Variants in THADA observed in about 807,000 individuals in gnomAD.
THADA encodes tRNA (32-2'-O)-methyltransferase regulator THADA.
In THADA, 213 loss-of-function variants were observed where a neutral mutation model predicts 219.8. The observed-to-expected ratio is 0.97, with a 90% CI of 0.87 to 1.09. The LOEUF (loss-of-function observed/expected upper bound fraction) is 1.09. Among genes scored for constraint, THADA ranks in the 50% least tolerant of loss-of-function variants. THADA has a pLI of 0.00. For synonymous variants in THADA, 1,018 were observed against 828.9 expected (o/e 1.23, Z -3.92); for missense variants, 2,956 against 2,311.3 (o/e 1.28, Z -5.72).
intron 29 of THADA, among the ~76,000 whole-genome samples, chr2:43,377,995 T>C (rs1366431526): frequency 3.9e-5 from 6 of 152,188 alleles, no homozygotes; most frequent in African/African-American, 1.4e-4. Flanking sequence ...TTTGGGTTTG[T>C]ATAGTATTTT....
At chr2:43,250,196 T>G (rs962800157) in intron 36 of THADA, among the ~76,000 whole-genome samples, 1 of 152,142 alleles carries the variant, frequency 6.6e-6, no homozygotes, top group Non-Finnish European at 1.5e-5. Flanking sequence ...ATGTGGTAGA[T>G]CCATACAATG....
At chr2:43,316,656 G>A (rs778231713) in intron 31 of THADA, among the ~76,000 whole-genome samples, 63 of 152,196 alleles carry the variant, frequency 4.1e-4, no homozygotes, top group Non-Finnish European at 7.2e-4. Flanking sequence ...GGCTGGGCAC[G>A]GTGGCTCACA....
At chr2:43,344,951 G>C (rs1558615001) in intron 29 of THADA, among the ~76,000 whole-genome samples, 1 of 152,202 alleles carries the variant, frequency 6.6e-6, no homozygotes, top group Non-Finnish European at 1.5e-5. Flanking sequence ...AAAGAATAAG[G>C]ACAAGGGCAT....
intron 29 of THADA, among the ~76,000 whole-genome samples, chr2:43,363,885 A>G (rs1001138868): frequency 1.3e-5 from 2 of 152,098 alleles, no homozygotes; most frequent in Non-Finnish European, 2.9e-5. Flanking sequence ...TGATGGCACC[A>G]TTGCACTCAA....
intron 26 of THADA, among the ~76,000 whole-genome samples, chr2:43,449,403 T>C (rs1682020579): frequency 6.6e-6 from 1 of 152,082 alleles, no homozygotes; most frequent in Non-Finnish European, 1.5e-5. Context: ...AAAGAGATTA[T>C]CTAAAGAAAT....
chr2:43,292,514 A>G (rs1455749811), intron 32 of THADA, among the ~76,000 whole-genome samples: 1 of 152,140 alleles, frequency 6.6e-6, no homozygotes, highest in Non-Finnish European at 1.5e-5. Flanking sequence ...TAGCCATGTC[A>G]GCAAAGACTA....
At chr2:43,584,264 T>C (rs1209984219) in intron 7 of THADA, among the ~76,000 whole-genome samples, 1 of 152,158 alleles carries the variant, frequency 6.6e-6, no homozygotes, top group South Asian at 2.1e-4. Flanking sequence ...CAAGCTGAGA[T>C]GTCCACAAGT....
At chr2:43,582,137 T>C (rs553581072) in intron 7 of THADA, among the ~76,000 whole-genome samples, 1 of 152,212 alleles carries the variant, frequency 6.6e-6, no homozygotes, top group Admixed American at 6.5e-5. Context: ...AATCTACATG[T>C]CCCTCTTTCT....
At chr2:43,255,145 A>G (rs1421014811) in intron 36 of THADA, among the ~76,000 whole-genome samples, 1 of 152,138 alleles carries the variant, frequency 6.6e-6, no homozygotes, top group Non-Finnish European at 1.5e-5. Flanking sequence ...CTTTTCTCCA[A>G]CTTACTCATA....
chr2:43,573,858 A>T (rs1036263400), intron 11 of THADA, among the ~76,000 whole-genome samples: 1 of 152,144 alleles, frequency 6.6e-6, no homozygotes, highest in East Asian at 1.9e-4. Context: ...GTTTACCCCT[A>T]TTCTAAATAA....
chr2:43,293,182 G>A lies in THADA; in HGVS notation c.4470C>T (p.Val1490=). ...GCTCTGATCCTGAGATAATCCCTCT[G>A]ACTTCCTCCCAGAAGCCAAGACTCT... ...VLESLGFWEE[V]RGIISGSELI... is the part of the protein sequence containing the mutation. Residue 1490 remains valine, a synonymous_variant, in exon 32 of 38, where the codon GTC becomes GTT. Coordinates refer to ENST00000405975, the MANE Select transcript of THADA (RefSeq NM_022065.5). 2 of 1,612,886 alleles carry A rather than the reference G, an allele frequency of 1.2e-6. No homozygotes were observed. The highest frequency in any genetic ancestry group is 8.5e-7 in the Non-Finnish European group (1 of 1,179,162).
intron 26 of THADA, among the ~76,000 whole-genome samples, chr2:43,440,811 T>C (rs1197264470): frequency 2.0e-5 from 3 of 152,322 alleles, no homozygotes; most frequent in East Asian, 3.9e-4. Flanking sequence ...AACTGCCTAA[T>C]AGATAACTGG....
chr2:43,340,263 G>T (rs185282501), intron 30 of THADA, among the ~76,000 whole-genome samples: 1 of 152,328 alleles, frequency 6.6e-6, no homozygotes, highest in African/African-American at 2.4e-5. Context: ...AAGAGCAGAA[G>T]CCCAGTCCTT....
At chr2:43,551,729 AG>A (rs1264737483) in intron 19 of THADA, 59 bp downstream of exon 19, 97 of 1,400,002 alleles carry the variant, frequency 6.9e-5, no homozygotes, top group South Asian at 3.0e-4. Context: ...AAAAAAAAAA[AG>A]AGGTAAAGAC....
In THADA at chr2:43,403,536, G is replaced by C. The variant is rs148573247; in HGVS notation, c.4059-5397C>G. On this transcript the variant is annotated intron_variant, in intron 28 of 37. Transcript: ENST00000405975. ...GTCCCTGCATGTCACAGGAACCAGAGGCTTCAAAGTCTCCAAATGGCTTCA... is the reference window on the plus strand; with the variant it reads ...GTCCCTGCATGTCACAGGAACCAGACGCTTCAAAGTCTCCAAATGGCTTCA... Among the ~76,000 whole-genome samples, 52 of 152,196 alleles carry C rather than the reference G, an allele frequency of 3.4e-4. 1 individual carries two copies. In the East Asian group the frequency reaches 7.5e-3, roughly 22 times the overall value.
intron 11 of THADA, 75 bp from the exon 12 acceptor site, chr2:43,573,067 T>C: frequency 8.4e-7 from 1 of 1,190,950 alleles, no homozygotes; most frequent in East Asian, 2.7e-5. Context: ...AATTTTCATG[T>C]TTCCAATTAA....
chr2:43,239,453 C>G (rs988098224), intron 36 of THADA, among the ~76,000 whole-genome samples: 1 of 152,246 alleles, frequency 6.6e-6, no homozygotes, highest in Non-Finnish European at 1.5e-5. Flanking sequence ...TGATTCCCCC[C>G]ACTAGGGGAA....
chr2:43,581,617 G>C, intron 8 of THADA, 124 bp downstream of exon 8: 1 of 785,656 alleles, frequency 1.3e-6, no homozygotes, highest in South Asian at 1.9e-5. Context: ...TTGAGAGGCT[G>C]AGTAAGGACA....
At chr2:43,525,884 G>A (rs1373260378) in intron 22 of THADA, among the ~76,000 whole-genome samples, 3 of 152,134 alleles carry the variant, frequency 2.0e-5, no homozygotes, top group Non-Finnish European at 4.4e-5. Flanking sequence ...CCAAGAGGAA[G>A]CCCTCATCAC....
Sources: gnomAD v4.1 joint callset for allele counts (sites outside exome capture counted in the v4.1 genomes callset) on GRCh38, gnomAD v4.1.1 for gene constraint, MANE v1.5 for transcripts, NCBI Gene and HGNC (gene_info 2026-07-23, HGNC 2026-07-21) for gene names.